The following TAF4 variants were observed in gnomAD, a reference collection of about 807,000 sequenced individuals.
TAF4 encodes TATA-box binding protein associated factor 4, also known as transcription initiation factor TFIID subunit 4.
In TAF4, 9 loss-of-function variants were observed where a neutral mutation model predicts 90.3. The observed-to-expected ratio is 0.10, with a 90% CI of 0.06 to 0.17. The LOEUF is 0.17. Ranked by LOEUF, TAF4 falls within the 10% of genes least tolerant of loss-of-function variation. TAF4 has a pLI of 1.00. For missense variants in TAF4, 1,351 were observed against 1,370.7 expected (o/e 0.99, Z 0.23); for synonymous variants, 818 against 638.9 (o/e 1.28, Z -4.23).
At chr20:62,017,151 A>C (rs973092959) in intron 1 of TAF4, among the ~76,000 whole-genome samples, 8 of 151,824 alleles carry the variant, frequency 5.3e-5, no homozygotes, top group South Asian at 2.1e-4. Flanking sequence ...CTAAAAACAA[A>C]AAAAAAAAAT....
Position 61,976,080 on chromosome 20 carries a change from T to C in TAF4, c.*88A>G, listed in dbSNP as rs1362401827. ...ATAAAACTGTTCCATTGTAAAGAGG[T>C]GGCTGTTTTTTAAACAATATCCCAT... On this transcript the variant is annotated 3_prime_UTR_variant, in exon 15 of 15. Transcript: ENST00000252996. 1.4e-6 allele frequency: 2 copies of C among 1,388,936 alleles called. No individual in the cohort carries two copies. Among genetic ancestry groups the C allele is most frequent in the Non-Finnish European group, 2.0e-6 (2 of 988,492 alleles). The allele number at this position is 1,388,936 out of a possible 1,614,324, so 86.0% of individuals were successfully genotyped here. A position where few individuals can be genotyped will look rare whatever the true frequency, so the allele number is the denominator to read the frequency against.
At chr20:62,012,497 C>T in intron 3 of TAF4, 1 of 210,772 alleles carries the variant, frequency 4.7e-6, no homozygotes, top group African/African-American at 2.3e-5. Context: ...GCTGCTTCTG[C>T]TTCAGACATG....
intron 1 of TAF4, among the ~76,000 whole-genome samples, chr20:62,033,012 G>A (rs557773889): frequency 5.9e-5 from 9 of 152,006 alleles, no homozygotes; most frequent in Non-Finnish European, 1.3e-4. Context: ...TGATGGATGC[G>A]GGGGGAAAAA....
At chr20:62,013,186 G>A (rs995060846) in intron 2 of TAF4, among the ~76,000 whole-genome samples, 5 of 152,216 alleles carry the variant, frequency 3.3e-5, no homozygotes, top group Non-Finnish European at 2.9e-5. Context: ...GGTCATCTCT[G>A]AAGAACGCAG....
At chr20:62,035,924 A>G (rs935171694) in intron 1 of TAF4, among the ~76,000 whole-genome samples, 3 of 152,190 alleles carry the variant, frequency 2.0e-5, no homozygotes, top group African/African-American at 4.8e-5. Context: ...GGTTACCCAC[A>G]AACAATAAAC....
chr20:62,050,863 G>A (rs1353873332), intron 1 of TAF4, among the ~76,000 whole-genome samples: 1 of 151,914 alleles, frequency 6.6e-6, no homozygotes, highest in African/African-American at 2.4e-5. Flanking sequence ...CATGCCCAGC[G>A]CTGCTTCCTC....
rs534026209 is a variant in TAF4 at position 62,037,884 on chromosome 20, G to A, written c.1361-23177C>T. ...GCAGTTTCACGAGCGTTCTTAAAGT[G>A]ATCAAGAAGACCTGAACCTCTGGAT... On this transcript the variant is annotated intron_variant, in intron 1 of 14. Coordinates refer to ENST00000252996, the MANE Select transcript of TAF4 (RefSeq NM_003185.4). The A allele has an allele frequency of 6.5e-4, 144 of 220,374 alleles. 1 individual carries two copies. The highest frequency in any genetic ancestry group is 3.3e-3 in the African/African-American group (144 of 43,484). The allele number at this position is 220,374 out of a possible 1,614,324, so 13.7% of individuals were successfully genotyped here.
At position 62,064,694 on chromosome 20, in the gene TAF4, T is replaced by A; in HGVS notation, c.1117A>T (p.Met373Leu). The A allele has an allele frequency of 1.6e-6, 2 of 1,253,116 alleles. No individual in the cohort carries two copies. The highest frequency in any genetic ancestry group is 2.0e-6 in the Non-Finnish European group (2 of 1,004,178). The allele number at this position is 1,253,116 out of a possible 1,614,324, so 77.6% of individuals were successfully genotyped here. Residue 373 changes from methionine (M) to leucine (L), a missense_variant, in exon 1 of 15, where the codon ATG (methionine) becomes TTG (leucine). Physicochemically the swap from Met to Leu is conservative, Grantham distance 15. Around this residue, in one of 9 missense-constraint regions of TAF4, gnomAD observed 782 missense variants for 536.6 expected, o/e 1.46. Coordinates refer to ENST00000252996, the MANE Select transcript of TAF4 (RefSeq NM_003185.4). ...ASGPASTAAS[M>L]VIGPTMQGAL... is the part of the protein sequence containing the mutation. Reference sequence around the variant, plus strand: ...CCTTGCATAGTTGGCCCGATGACCATGCTGGCCGCCGTGCTGGCCGGGCCG... The same window carrying A: ...CCTTGCATAGTTGGCCCGATGACCAAGCTGGCCGCCGTGCTGGCCGGGCCG...
intron 1 of TAF4, among the ~76,000 whole-genome samples, chr20:62,043,483 T>G (rs1231711586): frequency 1.3e-5 from 2 of 152,066 alleles, no homozygotes; most frequent in Non-Finnish European, 2.9e-5. Flanking sequence ...AATTCCATAG[T>G]CCCTAAGCAT....
Position 62,065,727 on chromosome 20 carries a change from C to T in TAF4, c.84G>A (p.Ser28=). The T allele has an allele frequency of 2.3e-6, 3 of 1,317,346 alleles. No individual in the cohort carries two copies. Among genetic ancestry groups the T allele is most frequent in the Non-Finnish European group, 2.0e-6 (2 of 1,015,212 alleles). 81.6% of individuals were successfully genotyped at this position (1,317,346 alleles called of 1,614,324 possible). ...DEKVVSDLVG[S]LESQLAASAA... is the part of the protein sequence containing the mutation. ...CGCTGGCCGCCAGCTGCGACTCCAG[C>T]GAGCCCACCAGGTCGCTCACCACTT... The change falls in exon 1 of 15, where the codon TCG becomes TCA. Residue 28 remains serine, a synonymous_variant. Transcript: ENST00000252996.
intron 1 of TAF4, among the ~76,000 whole-genome samples, chr20:62,021,931 G>A (rs1277044207): frequency 2.0e-5 from 3 of 152,148 alleles, no homozygotes; most frequent in African/African-American, 7.2e-5. Flanking sequence ...TGCATCCCTG[G>A]GGAGCAGGGC....
rs1347190634 is a variant in TAF4, at chr20:61,979,530, C to T, written c.3091-3195G>A. On this transcript the variant is annotated intron_variant, in intron 14 of 14. Coordinates refer to ENST00000252996, the MANE Select transcript of TAF4 (RefSeq NM_003185.4). ...ATGGCCACTCCAGAGGGACTGCGGC[C>T]CGTGCAGGCGCCATGGCCACTCCAG... is the stretch of plus-strand genomic sequence containing the variant. 2.9e-5 allele frequency among the ~76,000 whole-genome samples: 4 copies of T among 136,912 alleles called. No homozygotes were observed. In the East Asian group the frequency reaches 9.2e-4, roughly 31 times the overall value. The allele number at this position is 136,912 out of a possible 152,430, so 89.8% of individuals were successfully genotyped here. A position where few individuals can be genotyped will look rare whatever the true frequency, so the allele number is the denominator to read the frequency against.
At chr20:61,997,431 A>G in intron 14 of TAF4, 119 bp downstream of exon 14, 1 of 1,258,528 alleles carries the variant, frequency 7.9e-7, no homozygotes, top group Non-Finnish European at 1.0e-6. Flanking sequence ...AAAAGGTGAG[A>G]CAAAATGTAA....
intron 1 of TAF4, among the ~76,000 whole-genome samples, chr20:62,045,451 G>C (rs532200394): frequency 3.3e-5 from 5 of 152,226 alleles, no homozygotes; most frequent in Non-Finnish European, 5.9e-5. Flanking sequence ...ATCCCTGCAC[G>C]TGCAAGCACT....
Position 61,974,945 on chromosome 20 carries a change from G to A in TAF4, c.*1223C>T, listed in dbSNP as rs1367790549. On this transcript the variant is annotated 3_prime_UTR_variant, in exon 15 of 15. Transcript: ENST00000252996. This position sits in a 1 kb window ranked among gnomAD's most constrained non-coding sequence, Gnocchi z 4.1. ...ATTTACATGAAAAAATGGAAAGACA[G>A]GGATTTCCTAAAAGACAAAATAAAA... 6.6e-6 allele frequency: 1 copy of A among 152,350 alleles called. No individual in the cohort carries two copies. Among genetic ancestry groups the A allele is most frequent in the African/African-American group, 2.4e-5 (1 of 41,422 alleles). 9.4% of individuals were successfully genotyped at this position (152,350 alleles called of 1,614,324 possible).
At chr20:62,014,364 G>A (rs1392554148) in intron 2 of TAF4, among the ~76,000 whole-genome samples, 183 bp downstream of exon 2, 1 of 152,146 alleles carries the variant, frequency 6.6e-6, no homozygotes, top group African/African-American at 2.4e-5. Flanking sequence ...ACCGAGAGGA[G>A]GACAGGAGAG....
chr20:62,038,784 G>GGCTC (rs1438594042), intron 1 of TAF4, among the ~76,000 whole-genome samples: 5 of 152,166 alleles, frequency 3.3e-5, no homozygotes, highest in Admixed American at 3.3e-4. Flanking sequence ...CAGGCCCAGT[G>GGCTC]GCTCACACCT....
At chr20:61,998,408 A>G (rs572583684) in intron 12 of TAF4, among the ~76,000 whole-genome samples, 24 of 152,386 alleles carry the variant, frequency 1.6e-4, no homozygotes, top group Non-Finnish European at 2.6e-4. Flanking sequence ...ATTTGGATGT[A>G]AGATACAGTC....
intron 1 of TAF4, among the ~76,000 whole-genome samples, chr20:62,040,659 A>G (rs565244585): frequency 1.3e-5 from 2 of 152,374 alleles, no homozygotes; most frequent in South Asian, 4.1e-4. Flanking sequence ...CATGCCCACT[A>G]GAATAGGCAA....
Sources: gnomAD v4.1 joint callset for allele counts (sites outside exome capture counted in the v4.1 genomes callset) on GRCh38, gnomAD v4.1.1 for gene constraint, gnomAD v4.1.1 regional missense constraint, Gnocchi (gnomAD v3.1) non-coding constraint, MANE v1.5 for transcripts, NCBI Gene and HGNC (gene_info 2026-07-23, HGNC 2026-07-21) for gene names.